Variants in ASIC2 observed in about 807,000 individuals in gnomAD.
ASIC2 encodes the protein acid-sensing ion channel 2.
A neutral mutation model predicts 57.3 loss-of-function variants in ASIC2; 25 were observed. That is an observed-to-expected ratio of 0.44 (90% CI 0.32 to 0.61). ASIC2 has a LOEUF of 0.61. ASIC2 is among the 20% of genes least tolerant of loss of function. The pLI is 0.06. For missense variants in ASIC2, 641 were observed against 738.1 expected, an observed-to-expected ratio of 0.87 and a Z score of 1.52; for synonymous variants, 319 against 307.5, an observed-to-expected ratio of 1.04 and a Z score of -0.39.
chr17:33,626,081 C>T (rs1905974275), intron 1 of ASIC2, among the ~76,000 whole-genome samples: 2 of 152,202 alleles, frequency 1.3e-5, no homozygotes, highest in Non-Finnish European at 2.9e-5. Flanking sequence ...ATTAGCAACT[C>T]ACATTATCTC....
chr17:33,316,283 C>T (rs937954875), intron 1 of ASIC2, among the ~76,000 whole-genome samples: 1 of 152,170 alleles, frequency 6.6e-6, no homozygotes, highest in Non-Finnish European at 1.5e-5. Flanking sequence ...AGTGTCTCTC[C>T]GTTGTCTACA....
intron 1 of ASIC2, among the ~76,000 whole-genome samples, chr17:33,568,320 TG>T (rs1916313121): frequency 6.6e-6 from 1 of 152,262 alleles, no homozygotes; most frequent in East Asian, 1.9e-4. Flanking sequence ...CCCTTACCTT[TG>T]GCTTGCACTT....
rs747788840 is a variant in ASIC2 at position 33,013,918 on chromosome 17, G to A, written c.*47C>T. ...CTTGCTGTTCCTTGTCCTGGGTCTT[G>A]GGCCTCAAGGTCTGTTTGGAGGGAG... On this transcript the variant is annotated 3_prime_UTR_variant, in exon 10 of 10. Coordinates refer to ENST00000225823, the MANE Select transcript of ASIC2 (RefSeq NM_183377.2). 9 of 1,461,432 alleles carry A rather than the reference G, an allele frequency of 6.2e-6. No homozygotes were observed. The Admixed American group carries it at 1.6e-4, about 25-fold the overall frequency. 90.5% of individuals were successfully genotyped at this position (1,461,432 alleles called of 1,614,324 possible).
chr17:33,645,560 C>G (rs747970236), intron 1 of ASIC2, among the ~76,000 whole-genome samples: 5 of 152,158 alleles, frequency 3.3e-5, no homozygotes, highest in African/African-American at 9.7e-5. Context: ...TTTTCTGGAG[C>G]CCTGAGCTCT....
intron 1 of ASIC2, among the ~76,000 whole-genome samples, chr17:33,207,036 C>A (rs955574816): frequency 2.0e-5 from 3 of 152,086 alleles, no homozygotes; most frequent in Non-Finnish European, 4.4e-5. Context: ...TAATTCCCGC[C>A]CTGACCATTT....
At chr17:33,102,810 G>A (rs968923050) in intron 2 of ASIC2, among the ~76,000 whole-genome samples, 8 of 152,160 alleles carry the variant, frequency 5.3e-5, no homozygotes, top group African/African-American at 1.9e-4. Flanking sequence ...TTGAGATGGA[G>A]TCTCGCTCTG....
At chr17:33,732,781 G>A (rs1162510578) in intron 1 of ASIC2, among the ~76,000 whole-genome samples, 1 of 152,134 alleles carries the variant, frequency 6.6e-6, no homozygotes, top group Non-Finnish European at 1.5e-5. Context: ...GGGACTACAG[G>A]TGTGCACCAC....
intron 1 of ASIC2, among the ~76,000 whole-genome samples, chr17:33,514,102 G>A (rs1189233919): frequency 6.6e-6 from 1 of 152,164 alleles, no homozygotes; most frequent in Non-Finnish European, 1.5e-5. Flanking sequence ...CCAGCTGTAG[G>A]CAGTTTTCTC....
At chr17:34,079,895 CCTT>C (rs2142077324) in intron 1 of ASIC2, among the ~76,000 whole-genome samples, 1 of 152,284 alleles carries the variant, frequency 6.6e-6, no homozygotes, top group African/African-American at 2.4e-5. Flanking sequence ...AAGACCTTGA[CCTT>C]CTAGCTCCAT....
chr17:33,879,300 G>A (rs562789038), intron 1 of ASIC2, among the ~76,000 whole-genome samples: 1 of 152,296 alleles, frequency 6.6e-6, no homozygotes, highest in African/African-American at 2.4e-5. Flanking sequence ...CCAATTAAAA[G>A]ACACAGACTG....
intron 1 of ASIC2, among the ~76,000 whole-genome samples, chr17:33,221,874 A>AG (rs1907702530): frequency 8.0e-6 from 1 of 124,690 alleles, no homozygotes; most frequent in Non-Finnish European, 1.8e-5. Context: ...AGATGTTTAA[A>AG]CCATTCATAG....
intron 1 of ASIC2, among the ~76,000 whole-genome samples, chr17:33,997,391 C>T (rs973355433): frequency 1.4e-5 from 2 of 142,056 alleles, no homozygotes; most frequent in South Asian, 2.2e-4. Context: ...TGAGCTCAAG[C>T]GATCGGCCAG....
chr17:34,012,372 C>T (rs1454697444), intron 1 of ASIC2, among the ~76,000 whole-genome samples: 1 of 152,206 alleles, frequency 6.6e-6, no homozygotes, highest in Non-Finnish European at 1.5e-5. Flanking sequence ...TCTGGTGCCA[C>T]TCCCTTGAAA....
chr17:33,602,998 G>T (rs1408132268), intron 1 of ASIC2, among the ~76,000 whole-genome samples: 2 of 152,202 alleles, frequency 1.3e-5, no homozygotes, highest in Admixed American at 6.5e-5. Flanking sequence ...AGAGGGAGCT[G>T]GAGGGCACAG....
At chr17:33,381,567 G>GC (rs942319299) in intron 1 of ASIC2, among the ~76,000 whole-genome samples, 5 of 150,150 alleles carry the variant, frequency 3.3e-5, no homozygotes, top group African/African-American at 1.2e-4. Flanking sequence ...AGCAGTATGT[G>GC]CCCCGGGGGG....
chr17:33,191,244 T>C (rs1906406395), intron 1 of ASIC2, among the ~76,000 whole-genome samples: 1 of 152,234 alleles, frequency 6.6e-6, no homozygotes, highest in Non-Finnish European at 1.5e-5. Flanking sequence ...CAACATTGTA[T>C]AATTCCATTC....
Position 33,397,302 on chromosome 17 carries a change from A to G in ASIC2, c.556-285235T>C, listed in dbSNP as rs578019388. Among the ~76,000 whole-genome samples, 4 of 152,344 alleles carry G rather than the reference A, an allele frequency of 2.6e-5. No homozygotes were observed. The South Asian group carries it at 8.3e-4, about 32-fold the overall frequency. ...GTTTCTCCACCCTTAGTTCTCACCT[A>G]GCACTTTGCATGACCCTGTCAAAGC... On this transcript the variant is annotated intron_variant, in intron 1 of 9. Transcript: ENST00000359872.
chr17:33,687,295 G>A (rs1567689063), intron 1 of ASIC2, among the ~76,000 whole-genome samples: 1 of 152,206 alleles, frequency 6.6e-6, no homozygotes, highest in South Asian at 2.1e-4. Context: ...TAGGGAGTTG[G>A]AATCTGGAGG....
In ASIC2 at chr17:33,315,568, A is replaced by G. The variant is rs531630384; in HGVS notation, c.556-203501T>C. Among the ~76,000 whole-genome samples, 3 of 152,346 alleles carry G rather than the reference A, an allele frequency of 2.0e-5. No individual in the cohort carries two copies. In the South Asian group the frequency reaches 6.2e-4, roughly 32 times the overall value. On this transcript the variant is annotated intron_variant, in intron 1 of 9. Transcript: ENST00000359872. ...TCGGAGCTTCCTGGTAAACAAGTCA[A>G]GTGGAGAAAAGAATGGGTTAAATGA...
Sources: gnomAD v4.1 joint callset for allele counts (sites outside exome capture counted in the v4.1 genomes callset) on GRCh38, gnomAD v4.1.1 for gene constraint, MANE v1.5 for transcripts, NCBI Gene and HGNC (gene_info 2026-07-23, HGNC 2026-07-21) for gene names.